LCLAT1: variants seen among roughly 807,000 people sequenced by gnomAD.
The protein encoded by LCLAT1 is 1-AGP acyltransferase 8.
In LCLAT1, 11 loss-of-function variants were observed where a neutral mutation model predicts 30.7. That is an observed-to-expected ratio of 0.36 (90% CI 0.23 to 0.59). LCLAT1 has a LOEUF of 0.59. Among genes scored for constraint, LCLAT1 ranks in the 20% least tolerant of loss-of-function variants. The pLI is 0.77. For synonymous variants in LCLAT1, 155 were observed against 151.3 expected (o/e 1.02, Z -0.18); for missense variants, 402 against 458.6 (o/e 0.88, Z 1.13).
chr2:30,449,770 G>C (rs538121253), intron 1 of LCLAT1, among the ~76,000 whole-genome samples: 1 of 152,176 alleles, frequency 6.6e-6, no homozygotes, highest in Non-Finnish European at 1.5e-5. Context: ...AAAGTGTTGG[G>C]ATTACAGGTG....
chr2:30,511,506 A>G (rs1249220043), intron 1 of LCLAT1, among the ~76,000 whole-genome samples: 1 of 152,244 alleles, frequency 6.6e-6, no homozygotes, highest in Admixed American at 6.5e-5. Flanking sequence ...CTCAATAGCT[A>G]CATGTAGCTA....
At chr2:30,555,876 C>T (rs1339356969) in intron 3 of LCLAT1, among the ~76,000 whole-genome samples, 96 of 139,378 alleles carry the variant, frequency 6.9e-4, no homozygotes, top group African/African-American at 2.3e-3. Context: ...CTTGCTCTGT[C>T]GCCCAGGCTG....
chr2:30,511,088 C>G (rs1371626060), intron 1 of LCLAT1, among the ~76,000 whole-genome samples: 1 of 152,040 alleles, frequency 6.6e-6, no homozygotes. Context: ...GCTCAGAAGT[C>G]TCATTATCTG....
chr2:30,462,814 A>G (rs898600060), intron 1 of LCLAT1, among the ~76,000 whole-genome samples: 2 of 152,214 alleles, frequency 1.3e-5, no homozygotes, highest in Non-Finnish European at 2.9e-5. Context: ...AAGTTCAAAA[A>G]TTTTTTGGTA....
chr2:30,501,076 C>CTGTGTGTGTGTATG (rs1460579223), intron 1 of LCLAT1, among the ~76,000 whole-genome samples: 5 of 146,494 alleles, frequency 3.4e-5, no homozygotes, highest in African/African-American at 1.0e-4. Flanking sequence ...TTGTTTTGTT[C>CTGTGTGTGTGTATG]TGTGTGTGTG....
At chr2:30,490,758 G>A (rs1053513908) in intron 1 of LCLAT1, among the ~76,000 whole-genome samples, 2 of 152,086 alleles carry the variant, frequency 1.3e-5, no homozygotes, top group African/African-American at 4.8e-5. Context: ...ATTTGATTTT[G>A]TAGTCATCAG....
chr2:30,535,292 A>C (rs2148400044), intron 3 of LCLAT1, among the ~76,000 whole-genome samples: 1 of 152,340 alleles, frequency 6.6e-6, no homozygotes, highest in African/African-American at 2.4e-5. Flanking sequence ...ATTCCAAAAC[A>C]TTCCCTTCTG....
At chr2:30,554,935 T>A (rs532807709) in intron 3 of LCLAT1, among the ~76,000 whole-genome samples, 31 of 151,952 alleles carry the variant, frequency 2.0e-4, no homozygotes, top group African/African-American at 6.5e-4. Flanking sequence ...GAGAAAAAAA[T>A]ATATATTTTC....
At position 30,519,176 on chromosome 2, in the gene LCLAT1, G is replaced by A. The variant is rs181298576; in HGVS notation, c.-4-6411G>A. 2.7e-3 allele frequency among the ~76,000 whole-genome samples: 412 copies of A among 152,292 alleles called. 1 individual carries two copies. The highest frequency in any genetic ancestry group is 7.4e-3 in the Admixed American group (113 of 15,300). On this transcript the variant is annotated intron_variant, in intron 1 of 5. Coordinates refer to ENST00000379509, the MANE Select transcript of LCLAT1 (RefSeq NM_001002257.3). Reference sequence around the variant, plus strand: ...CAAAACCCTACTAACTGTTGGATGTGCCTCACCCTGCACTTCAGGCCATAC... The same window carrying A: ...CAAAACCCTACTAACTGTTGGATGTACCTCACCCTGCACTTCAGGCCATAC...
At chr2:30,505,727 T>C (rs1684627151) in intron 1 of LCLAT1, among the ~76,000 whole-genome samples, 1 of 151,942 alleles carries the variant, frequency 6.6e-6, no homozygotes, top group Non-Finnish European at 1.5e-5. Context: ...TTACTCGTAC[T>C]TGTAACGTTA....
chr2:30,453,842 C>T (rs760144780), intron 1 of LCLAT1, among the ~76,000 whole-genome samples: 5 of 152,176 alleles, frequency 3.3e-5, no homozygotes, highest in Non-Finnish European at 7.3e-5. Flanking sequence ...GAGTTCTGTT[C>T]TAAGTGCTTT....
intron 2 of LCLAT1, among the ~76,000 whole-genome samples, chr2:30,529,041 T>C (rs829621): frequency 0.096 from 14,568 of 152,220 alleles, 740 homozygotes; most frequent in East Asian, 0.13. Flanking sequence ...TATATTCTTT[T>C]TAAATTCAGA....
At chr2:30,634,064 TTC>T (rs1668902151) in intron 5 of LCLAT1, among the ~76,000 whole-genome samples, 1 of 152,364 alleles carries the variant, frequency 6.6e-6, no homozygotes, top group African/African-American at 2.4e-5. Context: ...GCCTGTAAGC[TTC>T]TGTAACTTAA....
chr2:30,489,932 G>A (rs1683758263), intron 1 of LCLAT1, among the ~76,000 whole-genome samples: 1 of 152,184 alleles, frequency 6.6e-6, no homozygotes, highest in East Asian at 1.9e-4. Flanking sequence ...TCTTAATCTA[G>A]CTATATCAGC....
chr2:30,474,396 G>A (rs1261450895), intron 1 of LCLAT1, among the ~76,000 whole-genome samples: 10 of 152,192 alleles, frequency 6.6e-5, no homozygotes, highest in Non-Finnish European at 1.5e-4. Flanking sequence ...ACATGTTACT[G>A]TGACTTGCAG....
chr2:30,555,672 G>T (rs2148430116), intron 3 of LCLAT1, among the ~76,000 whole-genome samples: 1 of 151,884 alleles, frequency 6.6e-6, no homozygotes, highest in East Asian at 1.9e-4. Flanking sequence ...TTGTTTGGGG[G>T]TTATTATTTA....
intron 5 of LCLAT1, among the ~76,000 whole-genome samples, chr2:30,608,371 G>T (rs1013916029): frequency 6.6e-6 from 1 of 151,662 alleles, no homozygotes; most frequent in Non-Finnish European, 1.5e-5. Flanking sequence ...TATTATTGAT[G>T]AAAGTTTTTT....
chr2:30,613,188 T>C (rs1667823840), intron 5 of LCLAT1, among the ~76,000 whole-genome samples: 1 of 151,972 alleles, frequency 6.6e-6, no homozygotes, highest in Admixed American at 6.6e-5. Context: ...GAAAGGTAAA[T>C]GTTTGCCAGA....
At chr2:30,580,810 T>TC (rs1438951474) in intron 5 of LCLAT1, among the ~76,000 whole-genome samples, 1 of 152,146 alleles carries the variant, frequency 6.6e-6, no homozygotes, top group East Asian at 1.9e-4. Flanking sequence ...TTATAAATAC[T>TC]CCAAGCCTGG....
Sources: gnomAD v4.1 joint callset for allele counts (sites outside exome capture counted in the v4.1 genomes callset) on GRCh38, gnomAD v4.1.1 for gene constraint, MANE v1.5 for transcripts, NCBI Gene and HGNC (gene_info 2026-07-23, HGNC 2026-07-21) for gene names.